SMYD3: variants seen among roughly 807,000 people sequenced by gnomAD.
SMYD3 encodes the protein histone-lysine N-methyltransferase SMYD3.
Under a neutral mutation model 57.7 loss-of-function variants are expected in SMYD3, and 36 were observed. That is an observed-to-expected ratio of 0.62 (90% CI 0.48 to 0.82). SMYD3 has a LOEUF of 0.82. Ranked by LOEUF, SMYD3 falls within the 40% of genes least tolerant of loss-of-function variation. The pLI is 0.00. For missense variants in SMYD3, 515 were observed against 538.8 expected, an observed-to-expected ratio of 0.96 and a Z score of 0.44; for synonymous variants, 211 against 195.0, an observed-to-expected ratio of 1.08 and a Z score of -0.68.
At chr1:246,267,851 T>C (rs1407307138) in intron 5 of SMYD3, among the ~76,000 whole-genome samples, 1 of 152,226 alleles carries the variant, frequency 6.6e-6, no homozygotes, top group Non-Finnish European at 1.5e-5. Context: ...TTCCAGCTCA[T>C]TTCAACAGAT....
At chr1:246,116,454 G>A (rs1177258289) in intron 5 of SMYD3, among the ~76,000 whole-genome samples, 1 of 152,156 alleles carries the variant, frequency 6.6e-6, no homozygotes, top group Non-Finnish European at 1.5e-5. Context: ...TATCTTCACT[G>A]GCTCTCCTGC....
At chr1:246,243,951 T>C in intron 5 of SMYD3, among the ~76,000 whole-genome samples, 1 of 114,130 alleles carries the variant, frequency 8.8e-6, no homozygotes, top group East Asian at 5.3e-4. Context: ...GGCAAATGTC[T>C]ATAGTCCCAG....
intron 10 of SMYD3, among the ~76,000 whole-genome samples, chr1:245,805,420 AG>A (rs1306922953): frequency 6.6e-6 from 1 of 152,230 alleles, no homozygotes; most frequent in Non-Finnish European, 1.5e-5. Flanking sequence ...CCTAACCATA[AG>A]AGTAGCAGAA....
intron 1 of SMYD3, among the ~76,000 whole-genome samples, chr1:246,409,716 G>C (rs1032328973): frequency 5.3e-5 from 8 of 152,306 alleles, no homozygotes; most frequent in Non-Finnish European, 8.8e-5. Flanking sequence ...TGTGAAGAAA[G>C]TCATTGGTAG....
intron 1 of SMYD3, among the ~76,000 whole-genome samples, chr1:246,445,045 T>A (rs1022268516): frequency 6.6e-6 from 1 of 152,190 alleles, no homozygotes; most frequent in Non-Finnish European, 1.5e-5. Flanking sequence ...GCACTATTGA[T>A]GTTGATGATG....
chr1:246,400,022 T>C (rs1184777310), intron 1 of SMYD3, among the ~76,000 whole-genome samples: 1 of 152,208 alleles, frequency 6.6e-6, no homozygotes, highest in Non-Finnish European at 1.5e-5. Flanking sequence ...AGTTGTATGC[T>C]AAAATTTTCA....
chr1:246,093,665 T>A (rs897404416), intron 5 of SMYD3, among the ~76,000 whole-genome samples: 1 of 151,932 alleles, frequency 6.6e-6, no homozygotes, highest in East Asian at 1.9e-4. Flanking sequence ...AATTATTACG[T>A]ACAATTATTA....
intron 10 of SMYD3, 46 bp from the exon 11 acceptor site, chr1:245,764,195 G>A (rs200549323): frequency 3.0e-5 from 40 of 1,321,744 alleles, no homozygotes; most frequent in Non-Finnish European, 4.2e-5. Flanking sequence ...CCTCACCTTT[G>A]CAGTCAGCAT....
intron 5 of SMYD3, among the ~76,000 whole-genome samples, chr1:246,042,390 C>T (rs1202061315): frequency 1.3e-5 from 2 of 152,102 alleles, no homozygotes; most frequent in South Asian, 4.1e-4. Flanking sequence ...AATTCAAGAG[C>T]CACATACTCA....
intron 5 of SMYD3, among the ~76,000 whole-genome samples, chr1:246,105,876 T>A (rs2061109246): frequency 6.6e-6 from 1 of 152,210 alleles, no homozygotes. Context: ...TTCCAAAACA[T>A]CCACTGCTAA....
chr1:246,159,071 G>A (rs2062071587), intron 5 of SMYD3, among the ~76,000 whole-genome samples: 1 of 152,150 alleles, frequency 6.6e-6, no homozygotes, highest in African/African-American at 2.4e-5. Flanking sequence ...ACCAAGGAAG[G>A]CATCTTTGAG....
intron 5 of SMYD3, among the ~76,000 whole-genome samples, chr1:246,324,115 A>T (rs1045039828): frequency 6.6e-6 from 1 of 152,186 alleles, no homozygotes; most frequent in African/African-American, 2.4e-5. Context: ...TTCAATGAAA[A>T]TTAGATGGTC....
rs74163446 is a variant in SMYD3 at position 246,458,613 on chromosome 1, ATTTTTTT to A, written c.164+48434_164+48440del. ...AGGCGCCCACCACCGCGCCTGGCTG[ATTTTTTT>A]TTTTTTTTTTTTTTTTTTTGTATTT... is the stretch of plus-strand genomic sequence containing the variant. On this transcript the variant is annotated intron_variant, in intron 1 of 11. Transcript: ENST00000490107. Among the ~76,000 whole-genome samples, 10 of 46,870 alleles carry A rather than the reference ATTTTTTT, an allele frequency of 2.1e-4. No individual in the cohort carries two copies. The South Asian group carries it at 5.0e-3, about 23-fold the overall frequency. The allele number at this position is 46,870 out of a possible 152,430, so 30.7% of individuals were successfully genotyped here.
At chr1:246,332,533 C>T (rs1035030309) in intron 3 of SMYD3, among the ~76,000 whole-genome samples, 8 of 152,200 alleles carry the variant, frequency 5.3e-5, no homozygotes, top group African/African-American at 1.9e-4. Context: ...TGGCCAGGTG[C>T]GGTGGCTTAC....
At chr1:246,448,902 G>A (rs2067591541) in intron 1 of SMYD3, among the ~76,000 whole-genome samples, 1 of 151,748 alleles carries the variant, frequency 6.6e-6, no homozygotes, top group Admixed American at 6.6e-5. Flanking sequence ...CTACAAACAG[G>A]GCATACCTGA....
At chr1:245,815,724 T>C (rs1486791107) in intron 10 of SMYD3, among the ~76,000 whole-genome samples, 2 of 152,300 alleles carry the variant, frequency 1.3e-5, no homozygotes, top group East Asian at 3.9e-4. Flanking sequence ...CACTTTACAG[T>C]CTATAAAGTT....
chr1:246,288,030 T>C (rs2064606207), intron 5 of SMYD3, among the ~76,000 whole-genome samples: 1 of 149,502 alleles, frequency 6.7e-6, no homozygotes, highest in Non-Finnish European at 1.5e-5. Flanking sequence ...AACTCAAGCA[T>C]TGGCAAGTTT....
chr1:245,818,148 A>G (rs1161402030), intron 10 of SMYD3, among the ~76,000 whole-genome samples: 4 of 152,194 alleles, frequency 2.6e-5, no homozygotes, highest in Non-Finnish European at 5.9e-5. Flanking sequence ...AGCCAGAGAG[A>G]AAGATCGGGT....
chr1:246,475,329 GAAAAAAAA>G (rs573868002), intron 1 of SMYD3, among the ~76,000 whole-genome samples: 11,429 of 103,030 alleles, frequency 0.11, 1,428 homozygotes, highest in African/African-American at 0.32. Context: ...GACTGTCTCA[GAAAAAAAA>G]AAAAAAAAAA....
Sources: gnomAD v4.1 joint callset for allele counts (sites outside exome capture counted in the v4.1 genomes callset) on GRCh38, gnomAD v4.1.1 for gene constraint, MANE v1.5 for transcripts, NCBI Gene and HGNC (gene_info 2026-07-23, HGNC 2026-07-21) for gene names.